Variants in TMCC3 observed in about 807,000 individuals in gnomAD.
TMCC3 encodes transmembrane and coiled-coil domain protein 3.
A neutral mutation model predicts 40.2 loss-of-function variants in TMCC3; 28 were observed. The observed-to-expected ratio is 0.70, with a 90% CI of 0.52 to 0.95. TMCC3 has a LOEUF of 0.95. Ranked by LOEUF, TMCC3 falls within the 40% of genes least tolerant of loss-of-function variation. TMCC3 has a pLI of 0.00. For synonymous variants in TMCC3, 255 were observed against 248.5 expected, an observed-to-expected ratio of 1.03 and a Z score of -0.25; for missense variants, 554 against 615.2, an observed-to-expected ratio of 0.90 and a Z score of 1.05.
chr12:94,626,724 A>G (rs2068905948), intron 1 of TMCC3, among the ~76,000 whole-genome samples: 1 of 152,216 alleles, frequency 6.6e-6, no homozygotes, highest in Non-Finnish European at 1.5e-5. Context: ...GTTGGGTAGA[A>G]GAGCACCCAA....
chr12:94,597,282 T>A (rs2068723538), intron 1 of TMCC3, among the ~76,000 whole-genome samples: 1 of 150,888 alleles, frequency 6.6e-6, no homozygotes, highest in South Asian at 2.1e-4. Context: ...TCCCTTGCAC[T>A]CCAGCCTGGG....
At chr12:94,578,562 C>A in intron 2 of TMCC3, 33 bp from the exon 3 acceptor site, 3 of 1,599,558 alleles carry the variant, frequency 1.9e-6, no homozygotes, top group Non-Finnish European at 2.6e-6. Flanking sequence ...CCCAGTGTGA[C>A]CTTTCACAGC....
At chr12:94,597,132 T>TTTTA (rs2068720718) in intron 1 of TMCC3, among the ~76,000 whole-genome samples, 1 of 10,154 alleles carries the variant, frequency 9.8e-5, no homozygotes, top group African/African-American at 2.4e-4. Flanking sequence ...TACATATATA[T>TTTTA]ATATATATAT....
intron 2 of TMCC3, among the ~76,000 whole-genome samples, chr12:94,581,128 G>A (rs948201406): frequency 3.3e-5 from 5 of 152,012 alleles, no homozygotes; most frequent in African/African-American, 4.8e-5. Context: ...ATATATATAC[G>A]GAGATACCTC....
At chr12:94,628,512 T>C (rs1490591756) in intron 1 of TMCC3, among the ~76,000 whole-genome samples, 3 of 152,138 alleles carry the variant, frequency 2.0e-5, no homozygotes, top group Non-Finnish European at 2.9e-5. Flanking sequence ...CAGCAAAGGG[T>C]GAACTCTGAA....
At chr12:94,589,860 C>T (rs953939263) in intron 1 of TMCC3, among the ~76,000 whole-genome samples, 2 of 152,192 alleles carry the variant, frequency 1.3e-5, no homozygotes, top group African/African-American at 4.8e-5. Flanking sequence ...AGGTGGGGCT[C>T]AACTCAGGTT....
chr12:94,609,898 A>C (rs999790610), intron 1 of TMCC3: 5 of 152,136 alleles, frequency 3.3e-5, no homozygotes, highest in African/African-American at 1.2e-4. Flanking sequence ...TTCATATTTT[A>C]TTAGGAAGGA....
intron 1 of TMCC3, among the ~76,000 whole-genome samples, chr12:94,594,774 C>T (rs372299172): frequency 6.6e-6 from 1 of 152,300 alleles, no homozygotes; most frequent in African/African-American, 2.4e-5. Context: ...TCTACATTTC[C>T]CATCACATTC....
intron 1 of TMCC3, among the ~76,000 whole-genome samples, chr12:94,624,308 AC>A (rs1407638774): frequency 3.3e-5 from 5 of 152,106 alleles, no homozygotes; most frequent in African/African-American, 1.2e-4. Context: ...AAAAACATAT[AC>A]CCCCACAAAA....
At chr12:94,578,602 C>T in intron 2 of TMCC3, 73 bp from the exon 3 acceptor site, 2 of 1,509,392 alleles carry the variant, frequency 1.3e-6, no homozygotes, top group South Asian at 2.5e-5. Flanking sequence ...TTTTTATCTT[C>T]CTGCGCCAGT....
intron 1 of TMCC3, among the ~76,000 whole-genome samples, chr12:94,648,151 T>C (rs372547356): frequency 6.6e-6 from 1 of 152,214 alleles, no homozygotes; most frequent in South Asian, 2.1e-4. Flanking sequence ...ACACAGCTTA[T>C]TTAAAAATCG....
chr12:94,640,095 T>A (rs2068981542), intron 1 of TMCC3, among the ~76,000 whole-genome samples: 1 of 152,228 alleles, frequency 6.6e-6, no homozygotes, highest in African/African-American at 2.4e-5. Flanking sequence ...TCCTTTTCAA[T>A]CCTCAATCCA....
At chr12:94,636,097 A>G in intron 1 of TMCC3, among the ~76,000 whole-genome samples, 1 of 152,232 alleles carries the variant, frequency 6.6e-6, no homozygotes, top group East Asian at 1.9e-4. Flanking sequence ...TCATGGAAAA[A>G]GTAGACATTT....
intron 1 of TMCC3, among the ~76,000 whole-genome samples, chr12:94,608,464 C>T (rs529760848): frequency 6.6e-6 from 1 of 152,250 alleles, no homozygotes; most frequent in Middle Eastern, 3.4e-3. Flanking sequence ...ACTCTAACAT[C>T]AGACCTTTTT....
chr12:94,606,537 T>C (rs769973582), intron 1 of TMCC3, among the ~76,000 whole-genome samples: 39 of 152,008 alleles, frequency 2.6e-4, no homozygotes, highest in Non-Finnish European at 3.4e-4. Flanking sequence ...TGGCTAATTT[T>C]TGTATTTTTA....
intron 2 of TMCC3, among the ~76,000 whole-genome samples, chr12:94,581,073 G>C (rs2068597856): frequency 6.6e-6 from 1 of 152,182 alleles, no homozygotes; most frequent in Admixed American, 6.6e-5. Context: ...CTTGGGACCA[G>C]AAGTGTTTCA....
chr12:94,591,752 AC>A (rs1363511080), intron 1 of TMCC3, among the ~76,000 whole-genome samples: 1 of 152,014 alleles, frequency 6.6e-6, no homozygotes, highest in Non-Finnish European at 1.5e-5. Context: ...ACAGAGGGAG[AC>A]CCTGTCTCTA....
chr12:94,638,425 C>T (rs1317000997), intron 1 of TMCC3, among the ~76,000 whole-genome samples: 1 of 152,172 alleles, frequency 6.6e-6, no homozygotes, highest in Non-Finnish European at 1.5e-5. Flanking sequence ...TATCTATAAG[C>T]ACCCCTCTCA....
At chr12:94,612,634 C>T (rs996444573) in intron 1 of TMCC3, among the ~76,000 whole-genome samples, 2 of 152,100 alleles carry the variant, frequency 1.3e-5, no homozygotes, top group Non-Finnish European at 2.9e-5. Context: ...TGGTTTTGTC[C>T]TTCAAAAATT....
Sources: allele counts gnomAD v4.1 joint callset (sites outside exome capture counted in the v4.1 genomes callset), GRCh38; gene constraint gnomAD v4.1.1; transcripts MANE v1.5; gene names NCBI Gene and HGNC (gene_info 2026-07-23, HGNC 2026-07-21).